Variants in IQGAP3 observed in about 807,000 individuals in gnomAD.
IQGAP3 encodes ras GTPase-activating-like protein IQGAP3.
Under a neutral mutation model 208.2 loss-of-function variants are expected in IQGAP3, and 165 were observed. That is an observed-to-expected ratio of 0.79 (90% CI 0.70 to 0.90). IQGAP3 has a LOEUF of 0.90. Among genes scored for constraint, IQGAP3 ranks in the 40% least tolerant of loss-of-function variants. The pLI is 0.00. For synonymous variants in IQGAP3, 703 were observed against 803.6 expected, an observed-to-expected ratio of 0.87 and a Z score of 2.12; for missense variants, 1,811 against 2,043.1, an observed-to-expected ratio of 0.89 and a Z score of 2.19.
chr1:156,563,725 G>A (rs374136946), intron 6 of IQGAP3, 32 bp downstream of exon 6: 6 of 1,607,296 alleles, frequency 3.7e-6, no homozygotes, highest in Admixed American at 3.3e-5. Context: ...CCCTGCCCAG[G>A]CTGTGGTGGT....
chr1:156,545,850 G>A (rs1372679571), intron 19 of IQGAP3, among the ~76,000 whole-genome samples: 1 of 152,062 alleles, frequency 6.6e-6, no homozygotes, highest in Non-Finnish European at 1.5e-5. Context: ...ACAGGCCCTG[G>A]GAGATACTCT....
In IQGAP3 at chr1:156,528,046, A is replaced by G. The variant is rs148071620; in HGVS notation, c.4688T>C (p.Ile1563Thr). Residue 1563 changes from isoleucine (I) to threonine (T), a missense_variant, in exon 37 of 38, where the codon ATC (isoleucine) becomes ACC (threonine). By Grantham distance (89) the Ile-to-Thr change is moderately conservative. Coordinates refer to ENST00000361170, the MANE Select transcript of IQGAP3 (RefSeq NM_178229.5). ...DLPASHFRNV[I>T]FDITPGDEAG... ...CTCATCTCCCGGCGTGATGTCAAAGATGACGTTTCTGAAGCTGTCAGGAAC... is the reference window on the plus strand; with the variant it reads ...CTCATCTCCCGGCGTGATGTCAAAGGTGACGTTTCTGAAGCTGTCAGGAAC... 272 of 1,614,010 alleles carry G rather than the reference A, an allele frequency of 1.7e-4. No individual in the cohort carries two copies. The highest frequency in any genetic ancestry group is 2.2e-4 in the Non-Finnish European group (254 of 1,179,882).
Position 156,534,027 on chromosome 1 carries a change from C to T in IQGAP3, c.3855G>A (p.Glu1285=), listed in dbSNP as rs143210282. The change falls in exon 30 of 38, where the codon GAG becomes GAA. Residue 1285 remains glutamate (E), a synonymous_variant. Coordinates refer to ENST00000361170, the MANE Select transcript of IQGAP3 (RefSeq NM_178229.5). ...CCCTCACCCTGTGCGTGTTGACCAG[C>T]TCCCCCACGGTGATGTACACCATGG... ...AKPMVYITVG[E]LVNTHRLLLE... 4 of 1,613,768 alleles carry T rather than the reference C, an allele frequency of 2.5e-6. No homozygotes were observed. The African/African-American group carries it at 5.3e-5, about 22-fold the overall frequency.
intron 26 of IQGAP3, among the ~76,000 whole-genome samples, chr1:156,538,578 A>G (rs1674818036): frequency 6.6e-6 from 1 of 152,230 alleles, no homozygotes; most frequent in South Asian, 2.1e-4. Context: ...ATTTTATGTT[A>G]AGCCCACCAG....
In IQGAP3 at chr1:156,544,383, A is replaced by G; in HGVS notation, c.2388+6T>C. ...GAAAGGAGCCTGCCAAAACCACCGT[A>G]GCTACCTTGATTATGGCATCCAGGT... On this transcript the variant is annotated splice_donor_region_variant and intron_variant, in intron 20 of 37. Transcript: ENST00000361170. The G allele has an allele frequency of 6.2e-7, 1 of 1,610,794 alleles. No individual in the cohort carries two copies. The highest frequency in any genetic ancestry group is 8.5e-7 in the Non-Finnish European group (1 of 1,176,938).
chr1:156,527,614 T>C (rs1049271937), intron 37 of IQGAP3, among the ~76,000 whole-genome samples: 2 of 152,136 alleles, frequency 1.3e-5, no homozygotes, highest in African/African-American at 2.4e-5. Context: ...GCCTGTAAAA[T>C]AGGGATAATA....
chr1:156,554,416 T>A (rs1007134755), intron 12 of IQGAP3, 24 bp from the exon 13 acceptor site: 1 of 1,578,184 alleles, frequency 6.3e-7, no homozygotes, highest in African/African-American at 1.4e-5. Context: ...GAGGGCCAAT[T>A]CCCAAGTGGG....
In IQGAP3 at chr1:156,572,562, C is replaced by G; in HGVS notation, c.-33G>C. 1.2e-6 allele frequency: 2 copies of G among 1,612,040 alleles called. No homozygotes were observed. The highest frequency in any genetic ancestry group is 1.1e-5 in the South Asian group (1 of 91,058). On this transcript the variant is annotated 5_prime_UTR_variant, in exon 1 of 38. Coordinates refer to ENST00000361170, the MANE Select transcript of IQGAP3 (RefSeq NM_178229.5). ...CTTCTTCCAGGTTTGAATCTCCCGC[C>G]GTTGGGCCACCGCCCCTCACCGTCG...
At position 156,537,944 on chromosome 1, in the gene IQGAP3, C is replaced by A. The variant is rs148678536; in HGVS notation, c.3282-623G>T. Among the ~76,000 whole-genome samples, 570 of 150,842 alleles carry A rather than the reference C, an allele frequency of 3.8e-3. 3 individuals carry two copies. Among genetic ancestry groups the A allele is most frequent in the South Asian group, 0.03 (142 of 4,760 alleles). On this transcript the variant is annotated intron_variant, in intron 26 of 37. Coordinates refer to ENST00000361170, the MANE Select transcript of IQGAP3 (RefSeq NM_178229.5). ...CAGAGTCTCACTCTGTTGCCTAGAG[C>A]TGGAGTGCAGTGGTGCAATCTCGGC...
At chr1:156,546,712 T>C (rs911432377) in intron 19 of IQGAP3, among the ~76,000 whole-genome samples, 1 of 152,164 alleles carries the variant, frequency 6.6e-6, no homozygotes, top group African/African-American at 2.4e-5. Flanking sequence ...ATAAGTAAGG[T>C]GCCCAATGTC....
In IQGAP3 at chr1:156,543,972, G is replaced by A. The variant is rs1675106920; in HGVS notation, c.2530+9C>T. 1 of 1,613,506 alleles carries A rather than the reference G, an allele frequency of 6.2e-7. No individual in the cohort carries two copies. The highest frequency in any genetic ancestry group is 1.3e-5 in the African/African-American group (1 of 74,910). On this transcript the variant is annotated intron_variant, in intron 22 of 37. Coordinates refer to ENST00000361170, the MANE Select transcript of IQGAP3 (RefSeq NM_178229.5). Reference sequence around the variant, plus strand: ...CCAACAGCTGGGGAGGGTGGATCAGGCAGCTCACCTAATATCCTGTAGTCA... The same window carrying A: ...CCAACAGCTGGGGAGGGTGGATCAGACAGCTCACCTAATATCCTGTAGTCA...
At chr1:156,554,662 G>A (rs138426337) in intron 12 of IQGAP3, among the ~76,000 whole-genome samples, 2 of 152,312 alleles carry the variant, frequency 1.3e-5, no homozygotes, top group Admixed American at 6.5e-5. Flanking sequence ...TTTCATGGAT[G>A]AGCCCACGAC....
At position 156,530,046 on chromosome 1, in the gene IQGAP3, A is replaced by G. The variant is rs576499704; in HGVS notation, c.4404+59T>C. On this transcript the variant is annotated intron_variant, in intron 34 of 37. Transcript: ENST00000361170. ...ACCAACACTATGGATTAACATGTATATGCACGCACACACACACACGTACAC... is the reference window on the plus strand; with the variant it reads ...ACCAACACTATGGATTAACATGTATGTGCACGCACACACACACACGTACAC... 7.6e-6 allele frequency: 10 copies of G among 1,321,132 alleles called. No individual in the cohort carries two copies. The East Asian group carries it at 1.8e-4, about 23-fold the overall frequency. The allele number at this position is 1,321,132 out of a possible 1,614,324, so 81.8% of individuals were successfully genotyped here. A position where few individuals can be genotyped will look rare whatever the true frequency, so the allele number is the denominator to read the frequency against.
chr1:156,528,950 G>A lies in IQGAP3; in HGVS notation c.4537C>T (p.Arg1513Trp), dbSNP rs772944929. 4.5e-5 allele frequency: 72 copies of A among 1,614,092 alleles called. No homozygotes were observed. The highest frequency in any genetic ancestry group is 9.3e-5 in the African/African-American group (7 of 74,924). The change falls in exon 35 of 38, where the codon CGG (arginine) becomes TGG (tryptophan). Residue 1513 changes from arginine (R) to tryptophan (W), a missense_variant. Physicochemically the swap from Arg to Trp is moderately radical, Grantham distance 101. Coordinates refer to ENST00000361170, the MANE Select transcript of IQGAP3 (RefSeq NM_178229.5). ...EQGDYYSQYI[R>W]ACLDHLAPDS... ...GGGGCCAGGTGGTCCAGGCAGGCCC[G>A]GATGTACTGGCTGTAGTAGTCACCC... is the stretch of plus-strand genomic sequence containing the variant.
chr1:156,546,346 C>T (rs940329849), intron 19 of IQGAP3, among the ~76,000 whole-genome samples: 2 of 152,200 alleles, frequency 1.3e-5, no homozygotes, highest in Admixed American at 1.3e-4. Flanking sequence ...CTCTCTTTCT[C>T]TGTCTCCCAG....
At chr1:156,560,015 G>A (rs941095154) in intron 11 of IQGAP3, among the ~76,000 whole-genome samples, 7 of 152,172 alleles carry the variant, frequency 4.6e-5, no homozygotes, top group South Asian at 4.1e-4. Flanking sequence ...AGTGAATGTC[G>A]GAAAGCTCTG....
In IQGAP3 at chr1:156,561,935, G is replaced by A; in HGVS notation, c.944C>T (p.Ala315Val). The change falls in exon 10 of 38, where the codon GCC becomes GTC. Residue 315 changes from alanine to valine, a missense_variant. Physicochemically the swap from Ala to Val is moderately conservative, Grantham distance 64. Transcript: ENST00000361170. ...CAGGGCCAGGGCAGGGTCTTGAAGGGCCTTGAGCAAGGCTTCAGGGCTCTG... is the reference window on the plus strand; with the variant it reads ...CAGGGCCAGGGCAGGGTCTTGAAGGACCTTGAGCAAGGCTTCAGGGCTCTG... The part of the protein sequence containing the change: ...ERQSPEALLK[A>V]LQDPALALRG... 3 of 1,613,916 alleles carry A rather than the reference G, an allele frequency of 1.9e-6. No homozygotes were observed. The highest frequency in any genetic ancestry group is 2.5e-6 in the Non-Finnish European group (3 of 1,179,930).
At chr1:156,541,231 A>G (rs1674961511) in intron 22 of IQGAP3, among the ~76,000 whole-genome samples, 1 of 151,678 alleles carries the variant, frequency 6.6e-6, no homozygotes, top group Non-Finnish European at 1.5e-5. Flanking sequence ...GCTCCCTCTG[A>G]TTATCCTCCC....
chr1:156,533,759 A>C lies in IQGAP3; in HGVS notation c.3976+14T>G. The C allele has an allele frequency of 6.2e-7, 1 of 1,607,382 alleles. No individual in the cohort carries two copies. The highest frequency in any genetic ancestry group is 8.5e-7 in the Non-Finnish European group (1 of 1,175,126). ...GTCCCCTAGCTGGCCTCAGCTGCTA[A>C]GGAGGGCACGTACCAATAAGGTCAG... On this transcript the variant is annotated intron_variant, in intron 31 of 37. Coordinates refer to ENST00000361170, the MANE Select transcript of IQGAP3 (RefSeq NM_178229.5).
Sources: gnomAD v4.1 joint callset for allele counts (sites outside exome capture counted in the v4.1 genomes callset) on GRCh38, gnomAD v4.1.1 for gene constraint, MANE v1.5 for transcripts, NCBI Gene and HGNC (gene_info 2026-07-23, HGNC 2026-07-21) for gene names.